The following ZNF804B variants were observed in gnomAD, a reference collection of about 807,000 sequenced individuals.
ZNF804B encodes the protein zinc finger 804B.
Under a neutral mutation model 101.4 loss-of-function variants are expected in ZNF804B, and 80 were observed. The observed-to-expected ratio is 0.79, with a 90% CI of 0.66 to 0.95. The LOEUF (loss-of-function observed/expected upper bound fraction) is 0.95, where lower values mean the gene tolerates loss of function less well. ZNF804B is among the 40% of genes least tolerant of loss of function. ZNF804B has a pLI of 0.00. For synonymous variants in ZNF804B, 622 were observed against 558.8 expected, an observed-to-expected ratio of 1.11 and a Z score of -1.59; for missense variants, 1,673 against 1,561.9, an observed-to-expected ratio of 1.07 and a Z score of -1.20.
At position 89,046,366 on chromosome 7, in the gene ZNF804B, AT is replaced by A. The variant is rs146087476; in HGVS notation, c.109-171788del. Among the ~76,000 whole-genome samples, 281 of 152,350 alleles carry A rather than the reference AT, an allele frequency of 1.8e-3. 3 individuals carry two copies. Among genetic ancestry groups the A allele is most frequent in the African/African-American group, 6.3e-3 (264 of 41,590 alleles). On this transcript the variant is annotated intron_variant, in intron 1 of 3. Transcript: ENST00000333190. ...TGCTGCTGTATTTATTACAGGAGAA[AT>A]AGAATGTCAAAGACATGGGACCATT...
chr7:88,840,582 A>G (rs1791280587), intron 1 of ZNF804B, among the ~76,000 whole-genome samples: 1 of 146,874 alleles, frequency 6.8e-6, no homozygotes, highest in East Asian at 2.0e-4. Context: ...CAAGATTCTC[A>G]AAATACTTAA....
At chr7:88,793,727 T>C (rs1464978786) in intron 1 of ZNF804B, among the ~76,000 whole-genome samples, 1 of 152,138 alleles carries the variant, frequency 6.6e-6, no homozygotes. Context: ...TACTTCTACA[T>C]GTACTTGCCT....
intron 1 of ZNF804B, among the ~76,000 whole-genome samples, chr7:89,183,006 T>C (rs996981266): frequency 6.6e-6 from 1 of 152,200 alleles, no homozygotes; most frequent in Non-Finnish European, 1.5e-5. Flanking sequence ...AAGAAATTGA[T>C]ACAGGTTATA....
At chr7:88,896,448 G>A (rs374626533) in intron 1 of ZNF804B, among the ~76,000 whole-genome samples, 1 of 152,118 alleles carries the variant, frequency 6.6e-6, no homozygotes, top group African/African-American at 2.4e-5. Context: ...GATTACTTCT[G>A]GCAGGGGAGG....
At chr7:88,957,689 A>G (rs1204928532) in intron 1 of ZNF804B, among the ~76,000 whole-genome samples, 1 of 151,300 alleles carries the variant, frequency 6.6e-6, no homozygotes, top group East Asian at 2.0e-4. Flanking sequence ...GAAAAAAAGT[A>G]TTATTTTGAA....
At chr7:89,323,163 C>A (rs561499648) in intron 2 of ZNF804B, among the ~76,000 whole-genome samples, 1 of 152,290 alleles carries the variant, frequency 6.6e-6, no homozygotes, top group African/African-American at 2.4e-5. Context: ...GGAAGAATTT[C>A]ATAACTAGAC....
chr7:89,280,338 A>C (rs1419762458), intron 2 of ZNF804B, among the ~76,000 whole-genome samples: 1 of 151,948 alleles, frequency 6.6e-6, no homozygotes, highest in Non-Finnish European at 1.5e-5. Context: ...CTAACATCAC[A>C]ATTAAAAGAA....
At chr7:88,928,791 T>G (rs919907029) in intron 1 of ZNF804B, among the ~76,000 whole-genome samples, 8 of 152,154 alleles carry the variant, frequency 5.3e-5, no homozygotes, top group Non-Finnish European at 1.2e-4. Flanking sequence ...AAACACTGCT[T>G]GTAACAGTTA....
At chr7:89,052,512 A>G (rs970487288) in intron 1 of ZNF804B, among the ~76,000 whole-genome samples, 3 of 152,172 alleles carry the variant, frequency 2.0e-5, no homozygotes, top group African/African-American at 7.2e-5. Flanking sequence ...CAAAATTGCT[A>G]CATTGAACAT....
rs868016173 is a variant in ZNF804B, at chr7:89,249,623, A to G, written c.249+31328A>G. On this transcript the variant is annotated intron_variant, in intron 2 of 3. Transcript: ENST00000333190. ...ATACAATATACTAAAAATCTCTGGG[A>G]TGCAGCAAAAGCAGTATTAAGAGGG... is the stretch of plus-strand genomic sequence containing the variant. 5.3e-5 allele frequency among the ~76,000 whole-genome samples: 8 copies of G among 152,330 alleles called. No homozygotes were observed. The South Asian group carries it at 1.7e-3, about 32-fold the overall frequency.
At chr7:88,916,795 A>G (rs1025919192) in intron 1 of ZNF804B, among the ~76,000 whole-genome samples, 1 of 152,146 alleles carries the variant, frequency 6.6e-6, no homozygotes, top group Non-Finnish European at 1.5e-5. Flanking sequence ...TAAATCCCCA[A>G]TATCTATCTG....
At position 89,337,631 on chromosome 7, in the gene ZNF804B, G is replaced by C. The variant is rs1791123559; in HGVS notation, c.*599G>C. Among the ~76,000 whole-genome samples the C allele has an allele frequency of 6.6e-6, 1 of 151,974 alleles. No individual in the cohort carries two copies. Among genetic ancestry groups the C allele is most frequent in the Admixed American group, 6.6e-5 (1 of 15,248 alleles). ...AACAATCTTTATAGATTATACTTTT[G>C]AGTTTCTGTGAAAAATAAATTATCT... On this transcript the variant is annotated 3_prime_UTR_variant, in exon 4 of 4. Transcript: ENST00000333190.
intron 2 of ZNF804B, among the ~76,000 whole-genome samples, chr7:89,249,579 G>T (rs1224796726): frequency 6.6e-6 from 1 of 152,008 alleles, no homozygotes; most frequent in Non-Finnish European, 1.5e-5. Context: ...AAAATTATTT[G>T]AAATAAATGA....
intron 1 of ZNF804B, among the ~76,000 whole-genome samples, chr7:88,911,484 T>C (rs1792550079): frequency 6.7e-6 from 1 of 148,830 alleles, no homozygotes; most frequent in Non-Finnish European, 1.5e-5. Context: ...TATGTATTTA[T>C]ATTTATACCA....
At chr7:88,978,802 GCCTCCCTC>G (rs34013905) in intron 1 of ZNF804B, among the ~76,000 whole-genome samples, 1 of 132,956 alleles carries the variant, frequency 7.5e-6, no homozygotes, top group African/African-American at 2.8e-5. Context: ...CTCCCTCCCT[GCCTCCCTC>G]CCTCCCTCCC....
At chr7:89,055,378 G>T (rs145354020) in intron 1 of ZNF804B, among the ~76,000 whole-genome samples, 60 of 152,160 alleles carry the variant, frequency 3.9e-4, no homozygotes, top group African/African-American at 1.4e-3. Flanking sequence ...ATAGCAAAAC[G>T]CTAAGATCTG....
At chr7:89,206,682 G>A (rs181500396) in intron 1 of ZNF804B, among the ~76,000 whole-genome samples, 1 of 152,096 alleles carries the variant, frequency 6.6e-6, no homozygotes, top group Non-Finnish European at 1.5e-5. Context: ...AACCCAGGAG[G>A]TGGAAGTTGC....
At chr7:88,891,301 T>A (rs942503094) in intron 1 of ZNF804B, among the ~76,000 whole-genome samples, 48 of 152,314 alleles carry the variant, frequency 3.2e-4, no homozygotes, top group African/African-American at 1.0e-3. Context: ...TTGCTCTCTC[T>A]TTCTAGTGAA....
At chr7:89,166,874 G>A (rs12704440) in intron 1 of ZNF804B, among the ~76,000 whole-genome samples, 31,183 of 152,016 alleles carry the variant, frequency 0.21, 3,410 homozygotes, top group Middle Eastern at 0.39. Context: ...CAGTATGTAC[G>A]TACCACAGTT....
Sources: gnomAD v4.1 joint callset for allele counts (sites outside exome capture counted in the v4.1 genomes callset) on GRCh38, gnomAD v4.1.1 for gene constraint, MANE v1.5 for transcripts, NCBI Gene and HGNC (gene_info 2026-07-23, HGNC 2026-07-21) for gene names.